Variants in HEATR5B observed in about 807,000 individuals in gnomAD.
The protein encoded by HEATR5B is HEAT repeat-containing protein 5B.
HEATR5B carries 156 observed loss-of-function variants against 224.1 expected under a neutral mutation model. The observed-to-expected ratio is 0.70, with a 90% CI of 0.61 to 0.80. The LOEUF is 0.80. HEATR5B is among the 30% of genes least tolerant of loss of function. The probability of loss-of-function intolerance (pLI) is 0.00; values close to 1 mark genes in which losing one functional copy is unlikely to be tolerated. For missense variants in HEATR5B, 2,323 were observed against 2,535.5 expected, an observed-to-expected ratio of 0.92 and a Z score of 1.80; for synonymous variants, 1,027 against 893.0, an observed-to-expected ratio of 1.15 and a Z score of -2.68.
intron 33 of HEATR5B, among the ~76,000 whole-genome samples, chr2:36,993,062 G>A (rs952734059): frequency 7.2e-5 from 11 of 152,134 alleles, no homozygotes; most frequent in Non-Finnish European, 1.5e-4. Context: ...AGAAGATGGG[G>A]CATCTAAATA....
intron 21 of HEATR5B, among the ~76,000 whole-genome samples, chr2:37,037,159 T>TATATATATATATATATATATATA (rs1448007926): frequency 3.4e-4 from 48 of 139,248 alleles, no homozygotes; most frequent in Non-Finnish European, 4.4e-4. Flanking sequence ...TATATATATA[T>TATATATATATATATATATATATA]TTTGGAGATG....
intron 7 of HEATR5B, among the ~76,000 whole-genome samples, chr2:37,069,872 G>T (rs924450245): frequency 6.7e-6 from 1 of 150,212 alleles, no homozygotes; most frequent in Non-Finnish European, 1.5e-5. Context: ...AGTTTTCCAC[G>T]AAGTTTCACA....
chr2:36,989,009 A>C, intron 34 of HEATR5B, 150 bp from the exon 35 acceptor site: 2 of 624,064 alleles, frequency 3.2e-6, no homozygotes, highest in Non-Finnish European at 5.6e-6. Context: ...GGAGTAGAAT[A>C]GAATTTTGTG....
rs867638628 is a variant in HEATR5B, at chr2:37,005,698, T to G, written c.4839A>C (p.Ala1613=). The change falls in exon 30 of 36, where the codon GCA becomes GCC. Residue 1613 remains alanine, a synonymous_variant. Transcript: ENST00000233099. ...GCAAGGTATGTAAGGCCTGCAGGCATGCTGTAACATGTTCAATGGGCTCCT... is the reference window on the plus strand; with the variant it reads ...GCAAGGTATGTAAGGCCTGCAGGCAGGCTGTAACATGTTCAATGGGCTCCT... ...RPEEPIEHVT[A]CLQALHTLLD... 4 of 1,611,506 alleles carry G rather than the reference T, an allele frequency of 2.5e-6. No individual in the cohort carries two copies. Among genetic ancestry groups the G allele is most frequent in the African/African-American group, 1.3e-5 (1 of 74,836 alleles).
rs907502903 is a variant in HEATR5B, at chr2:37,041,055, C to G, written c.2856+78G>C. Reference sequence around the variant, plus strand: ...ATTTGTCCTAACAACTTACCACGGTCATTTTTATTTCATAGAGCAAATAAT... The same window carrying G: ...ATTTGTCCTAACAACTTACCACGGTGATTTTTATTTCATAGAGCAAATAAT... On this transcript the variant is annotated intron_variant, in intron 19 of 35. Coordinates refer to ENST00000233099, the MANE Select transcript of HEATR5B (RefSeq NM_019024.3). The G allele has an allele frequency of 3.4e-6, 4 of 1,173,882 alleles. No homozygotes were observed. In the African/African-American group the frequency reaches 6.2e-5, roughly 18 times the overall value. The allele number at this position is 1,173,882 out of a possible 1,614,324, so 72.7% of individuals were successfully genotyped here. A position where few individuals can be genotyped will look rare whatever the true frequency, so the allele number is the denominator to read the frequency against.
At position 37,013,835 on chromosome 2, in the gene HEATR5B, C is replaced by T. The variant is rs1055469866; in HGVS notation, c.4284+6G>A. ...CAAAAACAATAGATTGTGGTTTAGT[C>T]GTTACCTCTGCCCAAGCTTTGAGAA... On this transcript the variant is annotated splice_donor_region_variant and intron_variant, in intron 27 of 35. Coordinates refer to ENST00000233099, the MANE Select transcript of HEATR5B (RefSeq NM_019024.3). The T allele has an allele frequency of 1.9e-6, 3 of 1,565,900 alleles. No individual in the cohort carries two copies. Among genetic ancestry groups the T allele is most frequent in the African/African-American group, 1.4e-5 (1 of 73,416 alleles).
In HEATR5B at chr2:37,060,629, A is replaced by G; in HGVS notation, c.1801T>C (p.Ser601Pro). ...ELEAEKARGD[S>P]FTWQVTLEGR... is the part of the protein sequence containing the mutation. ...TCCAAAGTTACCTGCCAGGTAAAAG[A>G]ATCGCCTCGGGCCTTCTCAGCTTCC... The change falls in exon 12 of 36, where the codon TCT (serine) becomes CCT (proline). Residue 601 changes from serine (S) to proline (P), a missense_variant. Ser to Pro is a moderately conservative substitution (Grantham distance 74). This residue lies in a region of HEATR5B where 502 missense variants were observed against 517.8 expected (regional missense o/e 0.97). Coordinates refer to ENST00000233099, the MANE Select transcript of HEATR5B (RefSeq NM_019024.3). 6.2e-7 allele frequency: 1 copy of G among 1,614,034 alleles called. No homozygotes were observed. Among genetic ancestry groups the G allele is most frequent in the East Asian group, 2.2e-5 (1 of 44,878 alleles).
chr2:37,043,259 A>T (rs1057268843), intron 18 of HEATR5B, among the ~76,000 whole-genome samples: 1 of 152,222 alleles, frequency 6.6e-6, no homozygotes, highest in African/African-American at 2.4e-5. Flanking sequence ...TAACAGTATG[A>T]ACCTGACACA....
At chr2:37,080,831 T>C (rs1572956819) in intron 2 of HEATR5B, among the ~76,000 whole-genome samples, 1 of 149,184 alleles carries the variant, frequency 6.7e-6, no homozygotes, top group Non-Finnish European at 1.5e-5. Context: ...CAAGAAGTAG[T>C]AGTTAGTGAA....
intron 20 of HEATR5B, 69 bp downstream of exon 20, chr2:37,040,260 G>T: frequency 8.2e-7 from 1 of 1,215,632 alleles, no homozygotes; most frequent in Non-Finnish European, 1.2e-6. Context: ...TAATGTGATG[G>T]TGATATTCAG....
chr2:36,990,580 GAATC>G (rs1257563433), intron 34 of HEATR5B, 64 bp downstream of exon 34: 1 of 1,338,208 alleles, frequency 7.5e-7, no homozygotes, highest in East Asian at 2.4e-5. Flanking sequence ...ATATTTTAAT[GAATC>G]AATCTGACAT....
chr2:37,058,038 G>A (rs976684398), intron 14 of HEATR5B, among the ~76,000 whole-genome samples: 4 of 151,886 alleles, frequency 2.6e-5, no homozygotes, highest in African/African-American at 7.3e-5. Context: ...CCAGATCCTC[G>A]AATTATTTGC....
At chr2:36,996,389 T>C (rs1666712723) in intron 33 of HEATR5B, among the ~76,000 whole-genome samples, 1 of 151,734 alleles carries the variant, frequency 6.6e-6, no homozygotes, top group Non-Finnish European at 1.5e-5. Flanking sequence ...TTGGTGGCCA[T>C]TTCTATTTTC....
intron 12 of HEATR5B, among the ~76,000 whole-genome samples, chr2:37,059,434 GTGTGTGTGTGTGTA>G (rs1489879806): frequency 0.021 from 1,793 of 84,708 alleles, 37 homozygotes; most frequent in South Asian, 0.034. Context: ...GTGTGTGTGT[GTGTGTGTGTGTGTA>G]TATATATATA....
At chr2:37,012,138 C>T (rs1667825400) in intron 27 of HEATR5B, among the ~76,000 whole-genome samples, 1 of 152,138 alleles carries the variant, frequency 6.6e-6, no homozygotes, top group South Asian at 2.1e-4. Context: ...TACTCAGATA[C>T]AATGCTGTTA....
intron 21 of HEATR5B, among the ~76,000 whole-genome samples, chr2:37,034,420 C>T (rs1426082814): frequency 9.2e-5 from 13 of 140,934 alleles, no homozygotes; most frequent in South Asian, 4.6e-4. Flanking sequence ...GAGACCATCC[C>T]GGCTAAAACG....
At chr2:37,056,128 T>A (rs116732001) in intron 16 of HEATR5B, among the ~76,000 whole-genome samples, 2,082 of 142,004 alleles carry the variant, frequency 0.015, 55 homozygotes, top group African/African-American at 0.05. Context: ...TATAATGCAT[T>A]TTTTTTTTTG....
chr2:37,070,264 G>T lies in HEATR5B; in HGVS notation c.893C>A (p.Ser298Tyr). Residue 298 changes from serine to tyrosine, a missense_variant, in exon 7 of 36, where the codon TCC becomes TAC. This residue lies in a region of HEATR5B where 502 missense variants were observed against 517.8 expected (regional missense o/e 0.97). Coordinates refer to ENST00000233099, the MANE Select transcript of HEATR5B (RefSeq NM_019024.3). Reference sequence around the variant, plus strand: ...TCCAACTCTCACTTCACGATTAACGGACCCTCCAACTTTTAACATTTCTCC... The same window carrying T: ...TCCAACTCTCACTTCACGATTAACGTACCCTCCAACTTTTAACATTTCTCC... ...SGGEMLKVGG[S>Y]VNREVRVGVT... 1 of 1,613,980 alleles carries T rather than the reference G, an allele frequency of 6.2e-7. No individual in the cohort carries two copies. The highest frequency in any genetic ancestry group is 2.2e-5 in the East Asian group (1 of 44,880).
rs907174161 is a variant in HEATR5B at position 36,997,794 on chromosome 2, C to T, written c.5545+2792G>A. On this transcript the variant is annotated intron_variant, in intron 33 of 35. Coordinates refer to ENST00000233099, the MANE Select transcript of HEATR5B (RefSeq NM_019024.3). Reference sequence around the variant, plus strand: ...TGTTAGCTAGGATGGTGTCGATCTCCTGACCTCATGATCCACCCGCCTTGG... The same window carrying T: ...TGTTAGCTAGGATGGTGTCGATCTCTTGACCTCATGATCCACCCGCCTTGG... Among the ~76,000 whole-genome samples, 11 of 151,886 alleles carry T rather than the reference C, an allele frequency of 7.2e-5. 1 individual carries two copies. Among genetic ancestry groups the T allele is most frequent in the Admixed American group, 7.2e-4 (11 of 15,248 alleles).
Sources: allele counts gnomAD v4.1 joint callset (sites outside exome capture counted in the v4.1 genomes callset), GRCh38; gene constraint gnomAD v4.1.1; regional missense constraint gnomAD v4.1.1; transcripts MANE v1.5; gene names NCBI Gene and HGNC (gene_info 2026-07-23, HGNC 2026-07-21).